Variants in SNRPD3 observed in about 807,000 individuals in gnomAD.
The protein encoded by SNRPD3 is small nuclear ribonucleoprotein Sm D3.
For missense variants in SNRPD3, 73 were observed against 167.5 expected, an observed-to-expected ratio of 0.44 and a Z score of 3.11; for synonymous variants, 66 against 58.4, an observed-to-expected ratio of 1.13 and a Z score of -0.59.
At chr22:24,560,747 A>T (rs1371283675) in intron 2 of SNRPD3, among the ~76,000 whole-genome samples, 3 of 55,084 alleles carry the variant, frequency 5.4e-5, no homozygotes, top group East Asian at 5.1e-4. Context: ...TTTTTTTTTG[A>T]GACAGAATCT....
chr22:24,558,677 T>C (rs1569023785), intron 2 of SNRPD3, among the ~76,000 whole-genome samples: 1 of 152,176 alleles, frequency 6.6e-6, no homozygotes, highest in Non-Finnish European at 1.5e-5. Flanking sequence ...TCTATGGTGC[T>C]GGTCTGACTG....
intron 1 of SNRPD3, among the ~76,000 whole-genome samples, chr22:24,556,314 G>A (rs544359728): frequency 1.3e-5 from 2 of 151,876 alleles, no homozygotes; most frequent in Non-Finnish European, 2.9e-5. Context: ...CTTCCAGGCA[G>A]TAATCTCGAA....
intron 2 of SNRPD3, among the ~76,000 whole-genome samples, chr22:24,566,203 T>C (rs1242743740): frequency 2.6e-5 from 4 of 152,094 alleles, no homozygotes; most frequent in African/African-American, 9.7e-5. Flanking sequence ...ACAGGGATAG[T>C]GGGTAGAAGC....
chr22:24,566,312 C>T (rs1379556218), intron 2 of SNRPD3, among the ~76,000 whole-genome samples: 1 of 152,158 alleles, frequency 6.6e-6, no homozygotes, highest in East Asian at 1.9e-4. Flanking sequence ...TGCTCTGTGG[C>T]CCAGGCTAGG....
In SNRPD3 at chr22:24,560,715, CTTT is replaced by C. The variant is rs59348518; in HGVS notation, c.126+2943_126+2945del. Among the ~76,000 whole-genome samples the C allele has an allele frequency of 5.7e-3, 559 of 98,650 alleles. 25 individuals are homozygous for C. The highest frequency in any genetic ancestry group is 8.7e-3 in the South Asian group (24 of 2,766). 64.7% of individuals were successfully genotyped at this position (98,650 alleles called of 152,430 possible). A position where few individuals can be genotyped will look rare whatever the true frequency, so the allele number is the denominator to read the frequency against. On this transcript the variant is annotated intron_variant, in intron 2 of 3. Coordinates refer to ENST00000215829, the MANE Select transcript of SNRPD3 (RefSeq NM_004175.5). The stretch of plus-strand genomic sequence containing the variant: ...ACAGGCGTGAGCCACTGCACCTGGC[CTTT>C]TTTTTTTTTTTTTTTTTTTTTTTTT...
chr22:24,574,350 A>G lies in SNRPD3; in HGVS notation c.*2373A>G, dbSNP rs943549275. ...TAAACAGTTTTATATCCTGCATCTT[A>G]GGGGGGAAAATCAGTTGACGCAGAT... is the stretch of plus-strand genomic sequence containing the variant. On this transcript the variant is annotated 3_prime_UTR_variant, in exon 4 of 4. Coordinates refer to ENST00000215829, the MANE Select transcript of SNRPD3 (RefSeq NM_004175.5). Among the ~76,000 whole-genome samples the G allele has an allele frequency of 6.6e-6, 1 of 152,144 alleles. No homozygotes were observed. Among genetic ancestry groups the G allele is most frequent in the African/African-American group, 2.4e-5 (1 of 41,436 alleles).
At chr22:24,563,201 CATAT>C (rs10534287) in intron 2 of SNRPD3, among the ~76,000 whole-genome samples, 76,045 of 120,700 alleles carry the variant, frequency 0.63, 20,457 homozygotes, top group East Asian at 0.73. Flanking sequence ...GACCCTGTCT[CATAT>C]ATGTGTGTGT....
Position 24,574,724 on chromosome 22 carries a change from TAG to T in SNRPD3, c.*2751_*2752del, listed in dbSNP as rs2045275757. ...GCCTAGCTAATTTTTGTATTTTTTG[TAG>T]AGACAGGGTTTTGCCATGTTGCCCA... is the stretch of plus-strand genomic sequence containing the variant. On this transcript the variant is annotated 3_prime_UTR_variant, in exon 4 of 4. Coordinates refer to ENST00000215829, the MANE Select transcript of SNRPD3 (RefSeq NM_004175.5). Among the ~76,000 whole-genome samples, 1 of 152,164 alleles carries T rather than the reference TAG, an allele frequency of 6.6e-6. No individual in the cohort carries two copies. The highest frequency in any genetic ancestry group is 1.5e-5 in the Non-Finnish European group (1 of 68,020).
chr22:24,555,988 T>G (rs892897442), upstream of SNRPD3: 1 of 707,184 alleles, frequency 1.4e-6, no homozygotes, highest in Non-Finnish European at 2.3e-6. Flanking sequence ...ATTCTGGGTG[T>G]TAGGCCCGCC....
chr22:24,571,828 A>C, intron 3 of SNRPD3, 88 bp from the exon 4 acceptor site: 4 of 1,333,078 alleles, frequency 3.0e-6, no homozygotes, highest in Non-Finnish European at 4.3e-6. Flanking sequence ...GAACCCTTCT[A>C]ACTGGTGTCC....
chr22:24,558,644 G>A (rs1336524536), intron 2 of SNRPD3, among the ~76,000 whole-genome samples: 1 of 152,228 alleles, frequency 6.6e-6, no homozygotes, highest in Non-Finnish European at 1.5e-5. Context: ...CAAGGAAGCA[G>A]TAGTAGGCAG....
chr22:24,565,211 A>G (rs1337568483), intron 2 of SNRPD3, among the ~76,000 whole-genome samples: 2 of 152,054 alleles, frequency 1.3e-5, no homozygotes, highest in African/African-American at 4.8e-5. Flanking sequence ...AATTTCAGGA[A>G]ATGTGCAGTG....
chr22:24,557,510 G>C, intron 1 of SNRPD3, 147 bp from the exon 2 acceptor site: 1 of 410,740 alleles, frequency 2.4e-6, no homozygotes, highest in Non-Finnish European at 4.0e-6. Flanking sequence ...CAGGAGCTGA[G>C]CTTTTTTTTT....
At chr22:24,561,059 C>CTTTTCTTTTTTTTTTTTTTTT (rs2045137177) in intron 2 of SNRPD3, among the ~76,000 whole-genome samples, 1 of 93,286 alleles carries the variant, frequency 1.1e-5, no homozygotes, top group African/African-American at 4.6e-5. Flanking sequence ...TTTCCTTTTT[C>CTTTTCTTTTTTTTTTTTTTTT]TTTTCTTTTT....
At chr22:24,563,514 A>G (rs554508212) in intron 2 of SNRPD3, among the ~76,000 whole-genome samples, 3 of 152,108 alleles carry the variant, frequency 2.0e-5, no homozygotes, top group Non-Finnish European at 4.4e-5. Context: ...AGGATATGGC[A>G]TGTTGGTCAA....
Position 24,568,145 on chromosome 22 carries a change from C to G in SNRPD3, c.288C>G (p.Gly96=). 1 of 1,613,442 alleles carries G rather than the reference C, an allele frequency of 6.2e-7. No individual in the cohort carries two copies. The highest frequency in any genetic ancestry group is 1.3e-5 in the African/African-American group (1 of 74,972). Residue 96 remains glycine, a synonymous_variant, in exon 3 of 4, where the codon GGC becomes GGG. Coordinates refer to ENST00000215829, the MANE Select transcript of SNRPD3 (RefSeq NM_004175.5). ...ATAAAAACCAAGGCTCAGGGGCTGG[C>G]CGAGGAAAAGCTGCTATTCTCAAGG... is the stretch of plus-strand genomic sequence containing the variant. ...MKNKNQGSGA[G]RGKAAILKAQ... is the part of the protein sequence containing the mutation.
intron 2 of SNRPD3, among the ~76,000 whole-genome samples, chr22:24,560,940 T>A (rs1489134435): frequency 2.6e-5 from 4 of 151,614 alleles, no homozygotes; most frequent in Non-Finnish European, 2.9e-5. Flanking sequence ...AGGCTCATCA[T>A]GTTGCCCAGG....
intron 3 of SNRPD3, among the ~76,000 whole-genome samples, chr22:24,570,823 T>G (rs991157989): frequency 2.3e-4 from 21 of 90,628 alleles, no homozygotes; most frequent in African/African-American, 1.2e-3. Flanking sequence ...TTCTTTTTTT[T>G]TTTTTTTTTT....
At position 24,566,888 on chromosome 22, in the gene SNRPD3, C is replaced by T. The variant is rs1257208743; in HGVS notation, c.127-1096C>T. On this transcript the variant is annotated intron_variant, in intron 2 of 3. Transcript: ENST00000215829. ...AGTCTATCCTTGTTGCCACATTTAT[C>T]TTTCCTGAGTGCTGCCTTAACCCTA... is the stretch of plus-strand genomic sequence containing the variant. 2.0e-5 allele frequency among the ~76,000 whole-genome samples: 3 copies of T among 152,200 alleles called. No individual in the cohort carries two copies. The East Asian group carries it at 5.8e-4, about 29-fold the overall frequency.
Sources: gnomAD v4.1 joint callset for allele counts (sites outside exome capture counted in the v4.1 genomes callset) on GRCh38, gnomAD v4.1.1 for gene constraint, MANE v1.5 for transcripts, NCBI Gene and HGNC (gene_info 2026-07-23, HGNC 2026-07-21) for gene names.